IL1RAPL1: variants seen among roughly 807,000 people sequenced by gnomAD.
IL1RAPL1 encodes interleukin 1 receptor accessory protein like 1.
IL1RAPL1 carries 3 observed loss-of-function variants against 48.4 expected under a neutral mutation model. The observed-to-expected ratio is 0.06, with a 90% CI of 0.03 to 0.16. The LOEUF is 0.16. Among genes scored for constraint, IL1RAPL1 ranks in the 10% least tolerant of loss-of-function variants. IL1RAPL1 has a pLI of 1.00. For synonymous variants in IL1RAPL1, 185 were observed against 187.7 expected, an observed-to-expected ratio of 0.99 and a Z score of 0.12; for missense variants, 349 against 530.6, an observed-to-expected ratio of 0.66 and a Z score of 3.36.
rs777682787 is a variant in IL1RAPL1 at position 29,158,959 on chromosome X, T to C, written c.83-123979T>C. Reference sequence around the variant, plus strand: ...CCCCCCCTCCCTCCCTCTCCCTCTCTCTCTCTCTCTCTCTTTCCTTTCTTT... The same window carrying C: ...CCCCCCCTCCCTCCCTCTCCCTCTCCCTCTCTCTCTCTCTTTCCTTTCTTT... On this transcript the variant is annotated intron_variant, in intron 2 of 10. Transcript: ENST00000378993. Among the ~76,000 whole-genome samples, 4 of 73,401 alleles carry C rather than the reference T, an allele frequency of 5.4e-5. No individual in the cohort carries two copies. The East Asian group carries it at 1.7e-3, about 31-fold the overall frequency. The allele number at this position is 73,401 out of a possible 115,157, so 63.7% of individuals were successfully genotyped here.
chrX:28,772,246 T>C (rs1318334209), intron 1 of IL1RAPL1, among the ~76,000 whole-genome samples: 2 of 111,475 alleles, frequency 1.8e-5, no homozygotes, highest in Non-Finnish European at 3.8e-5. Flanking sequence ...TTAGAACATT[T>C]CAGATTCCTA....
intron 5 of IL1RAPL1, among the ~76,000 whole-genome samples, chrX:29,613,867 C>A (rs1438687151): frequency 2.1e-4 from 22 of 105,078 alleles, no homozygotes; most frequent in Non-Finnish European, 3.5e-4. Context: ...GGGTTCGCAC[C>A]ATTCTCCTGC....
At chrX:29,931,222 GAGAA>G (rs1421138611) in intron 8 of IL1RAPL1, among the ~76,000 whole-genome samples, 2 of 110,978 alleles carry the variant, frequency 1.8e-5, no homozygotes, top group African/African-American at 3.3e-5. Flanking sequence ...TTTACAAAAT[GAGAA>G]AGAAAGGCAA....
intron 5 of IL1RAPL1, among the ~76,000 whole-genome samples, chrX:29,565,321 A>AC (rs1922363789): frequency 9.5e-6 from 1 of 104,736 alleles, no homozygotes; most frequent in African/African-American, 3.9e-5. Flanking sequence ...GATAGCAGTT[A>AC]CTAAAAAAAA....
chrX:29,333,514 C>A (rs1932917024), intron 3 of IL1RAPL1, among the ~76,000 whole-genome samples: 1 of 87,422 alleles, frequency 1.1e-5, no homozygotes, highest in Non-Finnish European at 2.3e-5. Context: ...CCGGACGGGG[C>A]GGCTGGCCAG....
intron 2 of IL1RAPL1, among the ~76,000 whole-genome samples, chrX:29,008,320 G>GCCCGCCACTACAGGCA (rs1926037008): frequency 9.2e-6 from 1 of 108,366 alleles, no homozygotes; most frequent in Admixed American, 9.7e-5. Context: ...GACTACAGGC[G>GCCCGCCACTACAGGCA]CCCGCCACCA....
chrX:29,033,513 A>T (rs1347439278), intron 2 of IL1RAPL1, among the ~76,000 whole-genome samples: 4 of 110,887 alleles, frequency 3.6e-5, no homozygotes, highest in Admixed American at 9.7e-5. Context: ...TATAGGCGAG[A>T]TGGGAGAGTC....
intron 5 of IL1RAPL1, among the ~76,000 whole-genome samples, chrX:29,524,795 G>C (rs1359687737): frequency 1.8e-5 from 2 of 112,167 alleles, no homozygotes; most frequent in Non-Finnish European, 3.8e-5. Context: ...AACACTGAAC[G>C]AAAGTGTCGT....
intron 2 of IL1RAPL1, among the ~76,000 whole-genome samples, chrX:29,095,288 A>G (rs1928190294): frequency 9.0e-6 from 1 of 111,326 alleles, no homozygotes; most frequent in Non-Finnish European, 1.9e-5. Flanking sequence ...GATGGTGTGG[A>G]AGGCAATTCT....
At chrX:28,824,714 G>C (rs1936974024) in intron 2 of IL1RAPL1, among the ~76,000 whole-genome samples, 1 of 111,484 alleles carries the variant, frequency 9.0e-6, no homozygotes, top group Non-Finnish European at 1.9e-5. Context: ...GTATGTGGCT[G>C]TGCTGATTTA....
Position 29,293,755 on chromosome X carries a change from C to A in IL1RAPL1, c.362+10538C>A, listed in dbSNP as rs547001779. On this transcript the variant is annotated intron_variant, in intron 3 of 10. Transcript: ENST00000378993. ...CCAGGCAAACAAATCACTTACAACC[C>A]AACAGGACTTTATTGGTGGCTATAC... is the stretch of plus-strand genomic sequence containing the variant. Among the ~76,000 whole-genome samples, 11 of 110,986 alleles carry A rather than the reference C, an allele frequency of 9.9e-5. No homozygotes were observed. The South Asian group carries it at 4.1e-3, about 42-fold the overall frequency.
intron 2 of IL1RAPL1, among the ~76,000 whole-genome samples, chrX:29,105,529 G>T (rs1203586237): frequency 8.9e-6 from 1 of 112,133 alleles, no homozygotes; most frequent in Non-Finnish European, 1.9e-5. Context: ...AAATTAAAAT[G>T]TGCAAAGGAT....
At chrX:29,653,583 G>A (rs1170884027) in intron 5 of IL1RAPL1, among the ~76,000 whole-genome samples, 1 of 111,341 alleles carries the variant, frequency 9.0e-6, no homozygotes, top group African/African-American at 3.3e-5. Flanking sequence ...TTATAGGCAT[G>A]TTTTTCTTTC....
intron 2 of IL1RAPL1, among the ~76,000 whole-genome samples, chrX:29,158,212 T>C (rs1285709251): frequency 1.8e-5 from 2 of 111,863 alleles, no homozygotes; most frequent in East Asian, 5.7e-4. Flanking sequence ...ATTTGTACTT[T>C]GTCTAACTAC....
chrX:29,818,496 G>A (rs1250734341), intron 6 of IL1RAPL1, among the ~76,000 whole-genome samples: 2 of 112,505 alleles, frequency 1.8e-5, no homozygotes, highest in Non-Finnish European at 3.8e-5. Context: ...ATCAAAAGCA[G>A]AATGCTGGCC....
intron 9 of IL1RAPL1, among the ~76,000 whole-genome samples, chrX:29,945,012 T>C (rs930285953): frequency 9.0e-6 from 1 of 111,418 alleles, no homozygotes; most frequent in African/African-American, 3.3e-5. Context: ...GGTTTCCACA[T>C]TGAGTGCAGG....
chrX:29,891,219 T>C (rs1253567340), intron 6 of IL1RAPL1, among the ~76,000 whole-genome samples: 1 of 106,591 alleles, frequency 9.4e-6, no homozygotes, highest in Non-Finnish European at 1.9e-5. Flanking sequence ...TTATGAACTA[T>C]TCAAATCAAA....
intron 2 of IL1RAPL1, among the ~76,000 whole-genome samples, chrX:29,266,760 T>C (rs1569273387): frequency 9.0e-6 from 1 of 111,604 alleles, no homozygotes. Context: ...TTCACTCTTA[T>C]CTCCCTAAGA....
chrX:28,672,555 T>G (rs1934958027), intron 1 of IL1RAPL1, among the ~76,000 whole-genome samples: 1 of 111,339 alleles, frequency 9.0e-6, no homozygotes, highest in African/African-American at 3.3e-5. Flanking sequence ...CCAGTTTTCT[T>G]CCTGGATCAG....
Sources: gnomAD v4.1 joint callset for allele counts (sites outside exome capture counted in the v4.1 genomes callset) on GRCh38, gnomAD v4.1.1 for gene constraint, MANE v1.5 for transcripts, NCBI Gene and HGNC (gene_info 2026-07-23, HGNC 2026-07-21) for gene names.